OPCML: variants seen among roughly 807,000 people sequenced by gnomAD.
OPCML encodes opioid binding protein/cell adhesion molecule like, also known as opioid-binding protein/cell adhesion molecule.
A neutral mutation model predicts 37.8 loss-of-function variants in OPCML; 13 were observed. The ratio of observed to expected loss-of-function variants is 0.34; its 90% CI spans 0.22 to 0.55. OPCML has a LOEUF of 0.55. OPCML is among the 20% of genes least tolerant of loss of function. The probability of loss-of-function intolerance (pLI) is 0.91; values close to 1 mark genes in which losing one functional copy is unlikely to be tolerated. For synonymous variants in OPCML, 176 were observed against 168.8 expected, an observed-to-expected ratio of 1.04 and a Z score of -0.33; for missense variants, 341 against 435.6, an observed-to-expected ratio of 0.78 and a Z score of 1.93.
chr11:133,371,746 T>C (rs1944680038), intron 1 of OPCML, among the ~76,000 whole-genome samples: 1 of 152,240 alleles, frequency 6.6e-6, no homozygotes, highest in African/African-American at 2.4e-5. Flanking sequence ...GTATCAGGTA[T>C]TCTTTATGGC....
chr11:133,089,767 A>C lies in OPCML; in HGVS notation c.62-146757T>G, dbSNP rs575081334. On this transcript the variant is annotated intron_variant, in intron 1 of 7. Transcript: ENST00000524381. ...AAGGGGGGACTTCAACCAACCCCTAAAAAAAAAAACCCAGTGGCTTATGTT... is the reference window on the plus strand; with the variant it reads ...AAGGGGGGACTTCAACCAACCCCTACAAAAAAAAACCCAGTGGCTTATGTT... Among the ~76,000 whole-genome samples, 202 of 150,116 alleles carry C rather than the reference A, an allele frequency of 1.3e-3. 3 individuals carry two copies. Among genetic ancestry groups the C allele is most frequent in the African/African-American group, 1.4e-3 (57 of 40,996 alleles).
intron 1 of OPCML, among the ~76,000 whole-genome samples, chr11:133,182,170 C>A (rs1424915528): frequency 6.6e-6 from 1 of 152,114 alleles, no homozygotes; most frequent in Non-Finnish European, 1.5e-5. Flanking sequence ...AGTGCCTCAC[C>A]AAAGAAAATC....
chr11:133,093,773 C>G (rs893208436), intron 1 of OPCML, among the ~76,000 whole-genome samples: 1 of 119,796 alleles, frequency 8.3e-6, no homozygotes, highest in African/African-American at 2.5e-5. Context: ...GCAATCTGTA[C>G]TTATTTTTTT....
At chr11:132,466,209 C>T (rs551882793) in intron 4 of OPCML, among the ~76,000 whole-genome samples, 4 of 151,834 alleles carry the variant, frequency 2.6e-5, no homozygotes, top group Non-Finnish European at 4.4e-5. Context: ...GTTTAGGCCG[C>T]GCACGGTGGC....
chr11:133,324,041 T>A (rs1210473371), intron 1 of OPCML, among the ~76,000 whole-genome samples: 1 of 152,162 alleles, frequency 6.6e-6, no homozygotes, highest in African/African-American at 2.4e-5. Context: ...CTGGCAGTAA[T>A]TAAATACAAA....
intron 1 of OPCML, among the ~76,000 whole-genome samples, chr11:133,092,282 C>T (rs1448669634): frequency 6.6e-6 from 1 of 152,104 alleles, no homozygotes; most frequent in Non-Finnish European, 1.5e-5. Flanking sequence ...TATAAATTAC[C>T]CGGTCTGTGG....
intron 2 of OPCML, among the ~76,000 whole-genome samples, chr11:132,848,432 G>C (rs963044350): frequency 2.0e-5 from 3 of 152,186 alleles, no homozygotes; most frequent in Non-Finnish European, 2.9e-5. Context: ...TTCCAAGCAA[G>C]CTCATTGTGC....
chr11:133,478,947 C>T (rs1055559933), intron 1 of OPCML, among the ~76,000 whole-genome samples: 1 of 152,110 alleles, frequency 6.6e-6, no homozygotes, highest in Non-Finnish European at 1.5e-5. Flanking sequence ...CAGGCCATCA[C>T]TTTGTAGCAT....
intron 2 of OPCML, among the ~76,000 whole-genome samples, chr11:132,749,485 G>C (rs1448761142): frequency 6.6e-6 from 1 of 152,162 alleles, no homozygotes; most frequent in African/African-American, 2.4e-5. Flanking sequence ...CTGGAGGTTA[G>C]TTTTTGACAA....
chr11:132,697,048 A>G (rs1943625105), intron 2 of OPCML, among the ~76,000 whole-genome samples: 1 of 152,220 alleles, frequency 6.6e-6, no homozygotes, highest in South Asian at 2.1e-4. Flanking sequence ...AGTCATCAGG[A>G]CTGACAACAG....
chr11:133,532,123 C>T (rs903112260), intron 1 of OPCML, 141 bp downstream of exon 1: 2 of 1,376,410 alleles, frequency 1.5e-6, no homozygotes, highest in African/African-American at 2.9e-5. Context: ...ACACAGCAAG[C>T]CTACCTCTTT....
At chr11:133,231,581 G>A (rs750146051) in intron 1 of OPCML, among the ~76,000 whole-genome samples, 1 of 152,154 alleles carries the variant, frequency 6.6e-6, no homozygotes, top group African/African-American at 2.4e-5. Flanking sequence ...ACAGCACCTA[G>A]CTCAGTGTTA....
At chr11:133,148,213 C>T (rs1276711266) in intron 1 of OPCML, among the ~76,000 whole-genome samples, 1 of 152,202 alleles carries the variant, frequency 6.6e-6, no homozygotes, top group African/African-American at 2.4e-5. Context: ...CTGCTCCTCA[C>T]GAGGTAGCCT....
intron 2 of OPCML, among the ~76,000 whole-genome samples, chr11:132,831,439 C>T (rs1274055441): frequency 6.6e-6 from 1 of 152,166 alleles, no homozygotes; most frequent in African/African-American, 2.4e-5. Context: ...GCGATGAGAA[C>T]TGCTATTTTC....
intron 2 of OPCML, among the ~76,000 whole-genome samples, chr11:132,931,407 T>G (rs1591817777): frequency 2.0e-5 from 3 of 152,296 alleles, no homozygotes; most frequent in Admixed American, 2.0e-4. Context: ...GAGGGAATAT[T>G]TGTGAGTCAT....
chr11:132,583,585 T>C (rs193144880), intron 3 of OPCML, among the ~76,000 whole-genome samples: 309 of 151,686 alleles, frequency 2.0e-3, no homozygotes, highest in African/African-American at 7.0e-3. Context: ...CAGTTGTGAG[T>C]CACTGAGCCC....
intron 1 of OPCML, among the ~76,000 whole-genome samples, chr11:133,053,718 C>G (rs963664509): frequency 6.6e-6 from 1 of 152,178 alleles, no homozygotes; most frequent in Non-Finnish European, 1.5e-5. Flanking sequence ...TCAGTCTTGG[C>G]TGGTTGTTCC....
rs538495403 is a variant in OPCML at position 133,449,978 on chromosome 11, G to A, written c.61+82286C>T. The stretch of plus-strand genomic sequence containing the variant: ...AGTGAGGCTATAAAGGCTGTTTATG[G>A]GGAAATCTGGGAAAATGTCTTCTTA... On this transcript the variant is annotated intron_variant, in intron 1 of 7. Coordinates refer to ENST00000524381, the MANE Select transcript of OPCML (RefSeq NM_001012393.5). Among the ~76,000 whole-genome samples the A allele has an allele frequency of 2.6e-5, 4 of 151,740 alleles. No homozygotes were observed. The South Asian group carries it at 8.3e-4, about 31-fold the overall frequency.
At chr11:133,422,276 C>T in intron 1 of OPCML, 4 of 984,700 alleles carry the variant, frequency 4.1e-6, no homozygotes, top group Non-Finnish European at 4.8e-6. Context: ...TCGTGGGACT[C>T]ACCACTAAAC....
Sources: gnomAD v4.1 joint callset for allele counts (sites outside exome capture counted in the v4.1 genomes callset) on GRCh38, gnomAD v4.1.1 for gene constraint, MANE v1.5 for transcripts, NCBI Gene and HGNC (gene_info 2026-07-23, HGNC 2026-07-21) for gene names.